The following CADM2 variants were observed in gnomAD, a reference collection of about 807,000 sequenced individuals.
CADM2 encodes the protein immunoglobulin superfamily member 4D.
CADM2 carries 12 observed loss-of-function variants against 49.8 expected under a neutral mutation model. The observed-to-expected ratio is 0.24, with a 90% CI of 0.15 to 0.39. CADM2 has a LOEUF of 0.39. Ranked by LOEUF, CADM2 falls within the 10% of genes least tolerant of loss-of-function variation. The pLI, the probability that CADM2 is intolerant of heterozygous loss-of-function variation, is 1.00. For missense variants in CADM2, 378 were observed against 492.3 expected (o/e 0.77, Z 2.20); for synonymous variants, 214 against 175.4 (o/e 1.22, Z -1.74).
chr3:85,827,534 G>T (rs924214397), intron 3 of CADM2, among the ~76,000 whole-genome samples: 2 of 151,688 alleles, frequency 1.3e-5, no homozygotes, highest in Non-Finnish European at 2.9e-5. Context: ...TTAAGCAATG[G>T]GGGATTATTC....
intron 1 of CADM2, among the ~76,000 whole-genome samples, chr3:85,141,752 T>C (rs2039584718): frequency 6.6e-6 from 1 of 152,174 alleles, no homozygotes; most frequent in Non-Finnish European, 1.5e-5. Flanking sequence ...TCTCATTGAC[T>C]TCAGTCTCCT....
chr3:85,126,202 TC>T (rs2039027638), intron 1 of CADM2, among the ~76,000 whole-genome samples: 1 of 152,180 alleles, frequency 6.6e-6, no homozygotes. Flanking sequence ...GGCAGAGTTT[TC>T]CCCTGAAATT....
At chr3:85,196,240 A>G (rs527297008) in intron 1 of CADM2, among the ~76,000 whole-genome samples, 8 of 152,180 alleles carry the variant, frequency 5.3e-5, no homozygotes, top group African/African-American at 1.4e-4. Context: ...ATTTAAAATT[A>G]GTGTCAAATT....
In CADM2 at chr3:85,877,344, A is replaced by G. The variant is rs1450221026; in HGVS notation, c.239-5947A>G. On this transcript the variant is annotated intron_variant, in intron 3 of 9. Coordinates refer to ENST00000383699, the MANE Select transcript of CADM2 (RefSeq NM_001167675.2). The stretch of plus-strand genomic sequence containing the variant: ...TTTTTAGTTTATTATTGAAAAGGAC[A>G]TTCAGGTAATGATTTATATTCTGTG... 3.3e-5 allele frequency among the ~76,000 whole-genome samples: 5 copies of G among 152,138 alleles called. No homozygotes were observed. The East Asian group carries it at 7.7e-4, about 23-fold the overall frequency.
chr3:85,728,859 G>A (rs534572410), intron 2 of CADM2, among the ~76,000 whole-genome samples: 7 of 152,220 alleles, frequency 4.6e-5, no homozygotes, highest in African/African-American at 1.7e-4. Flanking sequence ...CAGTTGGTGG[G>A]TATTTAGGTT....
At chr3:85,133,110 C>T (rs771332052) in intron 1 of CADM2, among the ~76,000 whole-genome samples, 12 of 152,134 alleles carry the variant, frequency 7.9e-5, no homozygotes, top group Non-Finnish European at 1.6e-4. Flanking sequence ...CGCTGGCTTC[C>T]GGAGTGAAGC....
At chr3:85,684,404 T>G (rs902575026) in intron 1 of CADM2, among the ~76,000 whole-genome samples, 66 of 151,754 alleles carry the variant, frequency 4.3e-4, no homozygotes, top group African/African-American at 1.6e-3. Context: ...GACAACTAAC[T>G]CCCTATAGGT....
At chr3:86,043,997 T>A (rs1277679824) in intron 8 of CADM2, among the ~76,000 whole-genome samples, 1 of 150,164 alleles carries the variant, frequency 6.7e-6, no homozygotes, top group African/African-American at 2.5e-5. Flanking sequence ...CTGGGAAAAC[T>A]GGCTAGCCAT....
chr3:85,451,703 A>T (rs2037754938), intron 1 of CADM2, among the ~76,000 whole-genome samples: 1 of 152,140 alleles, frequency 6.6e-6, no homozygotes, highest in Non-Finnish European at 1.5e-5. Flanking sequence ...GGTGTTTGCT[A>T]TTCTGTGCAT....
chr3:85,381,259 C>A (rs1374964222), intron 1 of CADM2, among the ~76,000 whole-genome samples: 1 of 151,146 alleles, frequency 6.6e-6, no homozygotes, highest in Non-Finnish European at 1.5e-5. Flanking sequence ...GAATAATGAT[C>A]AACTTTATTC....
chr3:85,801,994 T>A, intron 2 of CADM2, 53 bp from the exon 3 acceptor site: 3 of 1,334,528 alleles, frequency 2.2e-6, no homozygotes, highest in Non-Finnish European at 3.0e-6. Flanking sequence ...TCTTAGGCAG[T>A]TAATCATTTT....
chr3:85,834,997 C>T (rs1315225839), intron 3 of CADM2, among the ~76,000 whole-genome samples: 1 of 151,592 alleles, frequency 6.6e-6, no homozygotes, highest in African/African-American at 2.4e-5. Flanking sequence ...AGTGTGCTTG[C>T]ACACGCATGT....
At chr3:85,990,964 G>A (rs1283300507) in intron 8 of CADM2, among the ~76,000 whole-genome samples, 1 of 152,182 alleles carries the variant, frequency 6.6e-6, no homozygotes, top group Non-Finnish European at 1.5e-5. Context: ...GAACCAGTAG[G>A]TAGAGAAAGG....
At chr3:84,977,963 A>G (rs936941070) in intron 1 of CADM2, among the ~76,000 whole-genome samples, 1 of 152,126 alleles carries the variant, frequency 6.6e-6, no homozygotes, top group Non-Finnish European at 1.5e-5. Context: ...AAAGTTTAAA[A>G]ATAAAGACTT....
At chr3:85,120,414 C>T (rs1193281611) in intron 1 of CADM2, among the ~76,000 whole-genome samples, 2 of 152,068 alleles carry the variant, frequency 1.3e-5, no homozygotes, top group Non-Finnish European at 1.5e-5. Context: ...TTCACAATAG[C>T]AAAGACTTGG....
intron 6 of CADM2, among the ~76,000 whole-genome samples, chr3:85,930,290 T>G (rs1559749178): frequency 6.6e-6 from 1 of 152,104 alleles, no homozygotes; most frequent in African/African-American, 2.4e-5. Context: ...AATATACATT[T>G]AAAAAATTTT....
chr3:85,608,252 G>C (rs9309985), intron 1 of CADM2, among the ~76,000 whole-genome samples: 31,470 of 151,990 alleles, frequency 0.21, 3,636 homozygotes, highest in South Asian at 0.28. Flanking sequence ...GTGTTGCAAA[G>C]TATTATATTT....
chr3:85,186,811 C>T (rs2041076895), intron 1 of CADM2, among the ~76,000 whole-genome samples: 1 of 152,028 alleles, frequency 6.6e-6, no homozygotes. Flanking sequence ...TATATACTTC[C>T]AGTTAGTTGT....
At chr3:85,400,237 A>G (rs1462931541) in intron 1 of CADM2, among the ~76,000 whole-genome samples, 4 of 152,122 alleles carry the variant, frequency 2.6e-5, no homozygotes, top group Admixed American at 1.3e-4. Context: ...TTCTGTTTAT[A>G]TGCTGGATTA....
Sources: allele counts gnomAD v4.1 joint callset (sites outside exome capture counted in the v4.1 genomes callset), GRCh38; gene constraint gnomAD v4.1.1; transcripts MANE v1.5; gene names NCBI Gene and HGNC (gene_info 2026-07-23, HGNC 2026-07-21).